Variants in C3orf20 observed in about 807,000 individuals in gnomAD.
The protein encoded by C3orf20 is family with sequence similarity 149 member C, also known as uncharacterized protein C3orf20.
C3orf20 carries 76 observed loss-of-function variants against 88.3 expected under a neutral mutation model. That is an observed-to-expected ratio of 0.86 (90% CI 0.72 to 1.04). C3orf20 has a LOEUF of 1.04. C3orf20 is among the 50% of genes least tolerant of loss of function. The pLI, the probability that C3orf20 is intolerant of heterozygous loss-of-function variation, is 0.00. For missense variants in C3orf20, 1,056 were observed against 1,123.3 expected (o/e 0.94, Z 0.86); for synonymous variants, 436 against 437.4 (o/e 1.00, Z 0.04).
chr3:14,676,846 T>C (rs2031798693), intron 1 of C3orf20, among the ~76,000 whole-genome samples: 1 of 152,212 alleles, frequency 6.6e-6, no homozygotes. Context: ...GAAGTTAAGC[T>C]CAATCTTATG....
intron 5 of C3orf20, among the ~76,000 whole-genome samples, chr3:14,699,449 G>A (rs1025363568): frequency 3.3e-5 from 5 of 152,152 alleles, no homozygotes; most frequent in Non-Finnish European, 5.9e-5. Context: ...AGGGCCCAAG[G>A]ACTCTTCAGT....
intron 14 of C3orf20, among the ~76,000 whole-genome samples, chr3:14,760,775 A>G (rs1475440198): frequency 6.6e-6 from 1 of 151,826 alleles, no homozygotes; most frequent in Non-Finnish European, 1.5e-5. Flanking sequence ...ATGCCCGGCT[A>G]ATTTTTGTAT....
chr3:14,763,076 A>C (rs1476659483), intron 15 of C3orf20, among the ~76,000 whole-genome samples: 5 of 152,124 alleles, frequency 3.3e-5, no homozygotes, highest in Admixed American at 6.5e-5. Context: ...AGTCACCAAC[A>C]ATCCCAGGGA....
chr3:14,751,133 T>A (rs970358576), intron 12 of C3orf20, among the ~76,000 whole-genome samples: 4 of 152,268 alleles, frequency 2.6e-5, no homozygotes, highest in African/African-American at 9.6e-5. Context: ...TTCTGATTGA[T>A]TACTTTTCAT....
intron 7 of C3orf20, 41 bp downstream of exon 7, chr3:14,704,659 C>A: frequency 1.3e-6 from 2 of 1,599,028 alleles, no homozygotes; most frequent in South Asian, 1.1e-5. Flanking sequence ...CCCAGCTACT[C>A]AACCCCAGAG....
intron 4 of C3orf20, among the ~76,000 whole-genome samples, chr3:14,685,287 A>C (rs972588073): frequency 6.6e-6 from 1 of 152,232 alleles, no homozygotes; most frequent in African/African-American, 2.4e-5. Flanking sequence ...TATATCATTT[A>C]TAGGTACATT....
At position 14,684,312 on chromosome 3, in the gene C3orf20, G is replaced by A. The variant is rs116284917; in HGVS notation, c.555G>A (p.Lys185=). 1,322 of 1,614,200 alleles carry A rather than the reference G, an allele frequency of 8.2e-4. 13 individuals are homozygous for A. In the African/African-American group the frequency reaches 0.016, roughly 19 times the overall value. ...EASQLLHLNA[K]EMAFNCLIST... ...GCCAGCTCCTCCACCTCAATGCCAA[G>A]GAGATGGCCTTCAACTGCCTGATCA... The change falls in exon 4 of 17, where the codon AAG becomes AAA. Residue 185 remains lysine, a synonymous_variant. Transcript: ENST00000253697.
At chr3:14,730,276 G>A (rs901914966) in intron 12 of C3orf20, among the ~76,000 whole-genome samples, 8 of 152,036 alleles carry the variant, frequency 5.3e-5, no homozygotes, top group Admixed American at 3.9e-4. Context: ...GGCCGGGTGC[G>A]GTGGCCCACG....
chr3:14,728,465 A>C lies in C3orf20; in HGVS notation c.1717A>C (p.Lys573Gln). ...TCTGTTTACCATTGAATATCCCACC[A>C]AAAAGGAGGAGGAAGAATTTGTTCG... ...AGLFTIEYPT[K>Q]KEEEEFVRFK... The change falls in exon 12 of 17, where the codon AAA becomes CAA. Residue 573 changes from lysine to glutamine, a missense_variant. Physicochemically the swap from Lys to Gln is moderately conservative, Grantham distance 53. Transcript: ENST00000253697. 6.2e-7 allele frequency: 1 copy of C among 1,614,170 alleles called. No homozygotes were observed. The highest frequency in any genetic ancestry group is 1.1e-5 in the South Asian group (1 of 91,082).
intron 10 of C3orf20, among the ~76,000 whole-genome samples, chr3:14,725,921 CAT>C (rs1212999822): frequency 2.7e-5 from 4 of 150,110 alleles, no homozygotes; most frequent in East Asian, 1.9e-4. Flanking sequence ...CAGGAAGGGA[CAT>C]GTGTGAAAGT....
chr3:14,751,864 C>T (rs1399048645), intron 12 of C3orf20, among the ~76,000 whole-genome samples: 2 of 152,216 alleles, frequency 1.3e-5, no homozygotes, highest in Non-Finnish European at 2.9e-5. Flanking sequence ...ATTCCATGCT[C>T]ATGGGTAAGA....
chr3:14,704,963 G>A (rs901388035), intron 7 of C3orf20, among the ~76,000 whole-genome samples: 4 of 152,226 alleles, frequency 2.6e-5, no homozygotes, highest in Non-Finnish European at 4.4e-5. Flanking sequence ...ATGTCTAGTG[G>A]AGAGGAGAGA....
chr3:14,698,340 G>A (rs1335853076), intron 5 of C3orf20, among the ~76,000 whole-genome samples: 1 of 152,232 alleles, frequency 6.6e-6, no homozygotes, highest in Non-Finnish European at 1.5e-5. Context: ...GCCTGTGGAT[G>A]TTCATCAGTG....
intron 15 of C3orf20, among the ~76,000 whole-genome samples, chr3:14,766,220 C>T (rs1418205213): frequency 6.6e-6 from 1 of 152,152 alleles, no homozygotes; most frequent in Non-Finnish European, 1.5e-5. Context: ...GTGATCCCCT[C>T]CCCAGGGCAG....
intron 7 of C3orf20, among the ~76,000 whole-genome samples, chr3:14,707,836 T>TTTTTTGG (rs2033581792): frequency 1.3e-5 from 2 of 149,978 alleles, no homozygotes; most frequent in Admixed American, 6.6e-5. Context: ...TTTTTTTTTT[T>TTTTTTGG]GAGACAGAGT....
At chr3:14,739,948 G>A (rs1451910104) in intron 12 of C3orf20, among the ~76,000 whole-genome samples, 1 of 152,198 alleles carries the variant, frequency 6.6e-6, no homozygotes, top group Non-Finnish European at 1.5e-5. Flanking sequence ...TGACTAATAA[G>A]AATATTATGG....
At position 14,721,699 on chromosome 3, in the gene C3orf20, C is replaced by T. The variant is rs754276070; in HGVS notation, c.1481C>T (p.Thr494Ile). 5 of 1,614,194 alleles carry T rather than the reference C, an allele frequency of 3.1e-6. No homozygotes were observed. Among genetic ancestry groups the T allele is most frequent in the East Asian group, 2.2e-5 (1 of 44,874 alleles). ...AAGGTACTGGGACAGGACTCCATCACAGTCACCTTCACCTCCCTGAATGAG... is the reference window on the plus strand; with the variant it reads ...AAGGTACTGGGACAGGACTCCATCATAGTCACCTTCACCTCCCTGAATGAG... ...KLKVLGQDSI[T>I]VTFTSLNETV... Residue 494 changes from threonine to isoleucine, a missense_variant, in exon 10 of 17, where the codon ACA becomes ATA. By Grantham distance (89) the Thr-to-Ile change is moderately conservative. Transcript: ENST00000253697.
chr3:14,716,493 C>T (rs1464919609), intron 9 of C3orf20, among the ~76,000 whole-genome samples: 1 of 152,170 alleles, frequency 6.6e-6, no homozygotes, highest in Non-Finnish European at 1.5e-5. Context: ...TCATCCTCTA[C>T]ACTGGCCACT....
chr3:14,755,465 C>T (rs1182846104), intron 12 of C3orf20, among the ~76,000 whole-genome samples: 2 of 152,258 alleles, frequency 1.3e-5, no homozygotes, highest in South Asian at 2.1e-4. Flanking sequence ...GAACTTCTCC[C>T]TGGGTAAGCT....
Sources: allele counts gnomAD v4.1 joint callset (sites outside exome capture counted in the v4.1 genomes callset), GRCh38; gene constraint gnomAD v4.1.1; transcripts MANE v1.5; gene names NCBI Gene and HGNC (gene_info 2026-07-23, HGNC 2026-07-21).